Variants in ZMAT4 observed in about 807,000 individuals in gnomAD.
ZMAT4 encodes zinc finger matrin-type 4, also known as zinc finger matrin-type protein 4.
ZMAT4 carries 17 observed loss-of-function variants against 28.7 expected under a neutral mutation model. That is an observed-to-expected ratio of 0.59 (90% CI 0.41 to 0.89). The LOEUF (loss-of-function observed/expected upper bound fraction) is 0.89, where lower values mean the gene tolerates loss of function less well. Ranked by LOEUF, ZMAT4 falls within the 40% of genes least tolerant of loss-of-function variation. The pLI is 0.00. For missense variants in ZMAT4, 240 were observed against 283.8 expected (o/e 0.85, Z 1.11); for synonymous variants, 117 against 109.2 (o/e 1.07, Z -0.44).
intron 2 of ZMAT4, among the ~76,000 whole-genome samples, chr8:40,797,662 C>T (rs1355277603): frequency 1.3e-5 from 2 of 152,168 alleles, no homozygotes; most frequent in Admixed American, 1.3e-4. Flanking sequence ...GAGATATCTA[C>T]CACTTGACAG....
intron 1 of ZMAT4, among the ~76,000 whole-genome samples, chr8:40,851,822 A>G (rs1486272154): frequency 6.6e-6 from 1 of 152,220 alleles, no homozygotes; most frequent in Non-Finnish European, 1.5e-5. Context: ...AGGATGTTAA[A>G]TCAACAGAAC....
chr8:40,812,991 A>G (rs892787808), intron 2 of ZMAT4, among the ~76,000 whole-genome samples: 5 of 150,476 alleles, frequency 3.3e-5, no homozygotes, highest in African/African-American at 1.2e-4. Flanking sequence ...AAATTAAAAA[A>G]TAAAAATATA....
At chr8:40,595,793 G>A (rs1372263808) in intron 5 of ZMAT4, among the ~76,000 whole-genome samples, 8 of 151,886 alleles carry the variant, frequency 5.3e-5, no homozygotes, top group Admixed American at 4.6e-4. Flanking sequence ...CTATAAAACC[G>A]CAATGTAAGG....
At chr8:40,666,932 T>C (rs1339006466) in intron 5 of ZMAT4, among the ~76,000 whole-genome samples, 1 of 152,078 alleles carries the variant, frequency 6.6e-6, no homozygotes, top group Non-Finnish European at 1.5e-5. Flanking sequence ...TATATGTAGA[T>C]ACTAGTCTAT....
At chr8:40,736,637 A>G (rs1485010986) in intron 3 of ZMAT4, among the ~76,000 whole-genome samples, 1 of 152,224 alleles carries the variant, frequency 6.6e-6, no homozygotes, top group Non-Finnish European at 1.5e-5. Context: ...AATACATAAC[A>G]AAAGGAGTTA....
chr8:40,655,059 T>TACACACACACACACACACACACACAC (rs3038823), intron 5 of ZMAT4, among the ~76,000 whole-genome samples: 53 of 148,900 alleles, frequency 3.6e-4, no homozygotes, highest in African/African-American at 1.2e-3. Context: ...AAGGAATACC[T>TACACACACACACACACACACACACAC]ACACACACAC....
chr8:40,537,442 G>T (rs565759704), intron 6 of ZMAT4, among the ~76,000 whole-genome samples: 3 of 152,290 alleles, frequency 2.0e-5, no homozygotes, highest in African/African-American at 7.2e-5. Context: ...ACATTCGAAA[G>T]TATAGCACTT....
In ZMAT4 at chr8:40,783,099, C is replaced by T. The variant is rs535344844; in HGVS notation, c.103-15369G>A. Among the ~76,000 whole-genome samples the T allele has an allele frequency of 6.8e-4, 103 of 152,332 alleles. 1 individual carries two copies. The highest frequency in any genetic ancestry group is 2.4e-3 in the African/African-American group (101 of 41,578). ...ATTGAAAAACATATTCACACAAAAACTTGTCCATGACTGTAGTAGCATTAT... is the reference window on the plus strand; with the variant it reads ...ATTGAAAAACATATTCACACAAAAATTTGTCCATGACTGTAGTAGCATTAT... On this transcript the variant is annotated intron_variant, in intron 2 of 6. Transcript: ENST00000297737.
intron 1 of ZMAT4, among the ~76,000 whole-genome samples, chr8:40,879,064 A>T (rs1818135185): frequency 6.6e-6 from 1 of 152,168 alleles, no homozygotes; most frequent in African/African-American, 2.4e-5. Context: ...GCAAACGAGG[A>T]CAGGCAATGC....
At chr8:40,770,299 G>T (rs1813334523) in intron 2 of ZMAT4, among the ~76,000 whole-genome samples, 1 of 152,092 alleles carries the variant, frequency 6.6e-6, no homozygotes, top group South Asian at 2.1e-4. Flanking sequence ...ACTTCTCAGG[G>T]GGAGGAGTGT....
intron 2 of ZMAT4, among the ~76,000 whole-genome samples, chr8:40,804,817 G>C (rs890917052): frequency 6.6e-6 from 1 of 151,954 alleles, no homozygotes; most frequent in Non-Finnish European, 1.5e-5. Flanking sequence ...CTCCAGCCTG[G>C]GTGACAGAGT....
rs1460703600 is a variant in ZMAT4 at position 40,530,692 on chromosome 8, G to T, written c.*1531C>A. ...ATCCGAAGAAACACCATCACAGGAG[G>T]TTTGTAGGTCGGCTGTGTGCTTTCC... is the stretch of plus-strand genomic sequence containing the variant. On this transcript the variant is annotated 3_prime_UTR_variant, in exon 7 of 7. Transcript: ENST00000297737. 6.6e-6 allele frequency: 1 copy of T among 152,592 alleles called. No individual in the cohort carries two copies. Among genetic ancestry groups the T allele is most frequent in the Non-Finnish European group, 1.5e-5 (1 of 68,038 alleles). The allele number at this position is 152,592 out of a possible 1,614,324, so 9.5% of individuals were successfully genotyped here.
chr8:40,698,320 C>G (rs1809985784), intron 3 of ZMAT4, among the ~76,000 whole-genome samples: 1 of 152,046 alleles, frequency 6.6e-6, no homozygotes, highest in African/African-American at 2.4e-5. Context: ...TTGGTCAGAC[C>G]ATGTGACCTG....
intron 2 of ZMAT4, among the ~76,000 whole-genome samples, chr8:40,776,415 A>G (rs914437359): frequency 4.6e-5 from 7 of 152,226 alleles, no homozygotes; most frequent in Admixed American, 1.3e-4. Context: ...CTGCCTACAC[A>G]AGTGACTACA....
At chr8:40,639,127 G>A (rs1369944412) in intron 5 of ZMAT4, among the ~76,000 whole-genome samples, 2 of 152,228 alleles carry the variant, frequency 1.3e-5, no homozygotes, top group African/African-American at 4.8e-5. Flanking sequence ...GACATATGCT[G>A]CAGACAGGAG....
chr8:40,583,083 C>T (rs1804547246), intron 5 of ZMAT4, among the ~76,000 whole-genome samples: 2 of 152,126 alleles, frequency 1.3e-5, no homozygotes, highest in Non-Finnish European at 1.5e-5. Flanking sequence ...TATATTGTAC[C>T]GTGAGTTCCA....
At chr8:40,639,954 CT>C (rs1257316817) in intron 5 of ZMAT4, among the ~76,000 whole-genome samples, 1 of 152,044 alleles carries the variant, frequency 6.6e-6, no homozygotes, top group Non-Finnish European at 1.5e-5. Context: ...ATCCATCTTT[CT>C]TTTTTAAACT....
intron 4 of ZMAT4, 149 bp from the exon 5 acceptor site, chr8:40,675,080 C>T: frequency 1.9e-6 from 1 of 531,242 alleles, no homozygotes; most frequent in Non-Finnish European, 3.2e-6. Context: ...ATTAGCCCTG[C>T]CAGCTTTCAT....
At chr8:40,769,378 A>G (rs1171422442) in intron 2 of ZMAT4, among the ~76,000 whole-genome samples, 1 of 152,160 alleles carries the variant, frequency 6.6e-6, no homozygotes, top group Admixed American at 6.5e-5. Context: ...GAAAATGACA[A>G]TGCAGGCTTA....
Sources: allele counts gnomAD v4.1 joint callset (sites outside exome capture counted in the v4.1 genomes callset), GRCh38; gene constraint gnomAD v4.1.1; transcripts MANE v1.5; gene names NCBI Gene and HGNC (gene_info 2026-07-23, HGNC 2026-07-21).